Variants in ACAP1 observed in about 807,000 individuals in gnomAD.
ACAP1 encodes the protein arf-GAP with coiled-coil, ANK repeat and PH domain-containing protein 1.
ACAP1 carries 45 observed loss-of-function variants against 98.8 expected under a neutral mutation model. The ratio of observed to expected loss-of-function variants is 0.46; its 90% CI spans 0.36 to 0.58. The LOEUF (loss-of-function observed/expected upper bound fraction) is 0.58, where lower values mean the gene tolerates loss of function less well. ACAP1 is among the 20% of genes least tolerant of loss of function. The probability of loss-of-function intolerance (pLI) is 0.00; values close to 1 mark genes in which losing one functional copy is unlikely to be tolerated. For synonymous variants in ACAP1, 362 were observed against 375.3 expected, an observed-to-expected ratio of 0.96 and a Z score of 0.41; for missense variants, 735 against 971.4, an observed-to-expected ratio of 0.76 and a Z score of 3.24.
Position 7,343,621 on chromosome 17 carries a change from T to G in ACAP1, c.528+59T>G, listed in dbSNP as rs3809829. Reference sequence around the variant, plus strand: ...GAGCCTCAAGTGTCACCTCGAGGCTTGGGGGTCTCCAGTGTGCAGTGGGAA... The same window carrying G: ...GAGCCTCAAGTGTCACCTCGAGGCTGGGGGGTCTCCAGTGTGCAGTGGGAA... On this transcript the variant is annotated intron_variant, in intron 6 of 21. Transcript: ENST00000158762. The surrounding 1 kb of genome is among the most constrained non-coding windows in gnomAD (Gnocchi z 4.9). 991,752 of 1,593,532 alleles carry G rather than the reference T, an allele frequency of 0.62. 312,075 individuals carry two copies. The highest frequency in any genetic ancestry group is 0.76 in the African/African-American group (56,911 of 74,548).
intron 1 of ACAP1, among the ~76,000 whole-genome samples, chr17:7,337,091 C>G (rs1430764769): frequency 6.6e-6 from 1 of 152,294 alleles, no homozygotes; most frequent in East Asian, 1.9e-4. Flanking sequence ...ACTTCCTGCC[C>G]TGGCCACATC....
Position 7,343,932 on chromosome 17 carries a change from G to A in ACAP1, c.645G>A (p.Gln215=). ...QGHEELSRLS[Q]YRKELGAQLH... is the part of the protein sequence containing the mutation. Reference sequence around the variant, plus strand: ...ATGAGGAGCTGAGCCGGCTGTCCCAGTATCGAAAGGAGCTGGGCGCCCAGG... The same window carrying A: ...ATGAGGAGCTGAGCCGGCTGTCCCAATATCGAAAGGAGCTGGGCGCCCAGG... Residue 215 remains glutamine, a synonymous_variant, in exon 8 of 22, where the codon CAG becomes CAA. Coordinates refer to ENST00000158762, the MANE Select transcript of ACAP1 (RefSeq NM_014716.4). This position sits in a 1 kb window ranked among gnomAD's most constrained non-coding sequence, Gnocchi z 4.9. 6.2e-7 allele frequency: 1 copy of A among 1,600,824 alleles called. No individual in the cohort carries two copies. The highest frequency in any genetic ancestry group is 8.5e-7 in the Non-Finnish European group (1 of 1,173,398).
At position 7,336,742 on chromosome 17, in the gene ACAP1, T is replaced by G; in HGVS notation, c.8T>G (p.Val3Gly). 1.2e-6 allele frequency: 2 copies of G among 1,613,740 alleles called. No homozygotes were observed. The highest frequency in any genetic ancestry group is 2.7e-5 in the African/African-American group (2 of 74,982). Residue 3 changes from valine to glycine, a missense_variant, in exon 1 of 22, where the codon GTC (valine) becomes GGC (glycine). This residue lies in a region of ACAP1 where 430 missense variants were observed against 531.8 expected (regional missense o/e 0.81). Transcript: ENST00000158762. ...CACAGCAGGCAAGCTGAGATGACGG[T>G]CAAGCTGGATTTCGAGGAGTGTCTC... MT[V>G]KLDFEECLKD...
intron 14 of ACAP1, 196 bp from the exon 15 acceptor site, chr17:7,347,726 A>C: frequency 1.7e-6 from 1 of 600,134 alleles, no homozygotes; most frequent in Non-Finnish European, 3.0e-6. Flanking sequence ...AGGAATGGTG[A>C]CGAGGCAGAG....
chr17:7,342,158 T>A (rs757229205), intron 3 of ACAP1, 91 bp downstream of exon 3: 26 of 1,606,920 alleles, frequency 1.6e-5, no homozygotes, highest in Non-Finnish European at 2.0e-5. Context: ...GTCTGCAGGT[T>A]CCAGGCCACA....
In ACAP1 at chr17:7,343,011, T is replaced by C. The variant is rs1597650448; in HGVS notation, c.345-368T>C. 4.7e-6 allele frequency: 1 copy of C among 213,956 alleles called. No individual in the cohort carries two copies. Among genetic ancestry groups the C allele is most frequent in the Non-Finnish European group, 9.2e-6 (1 of 108,716 alleles). 13.3% of individuals were successfully genotyped at this position (213,956 alleles called of 1,614,324 possible). On this transcript the variant is annotated intron_variant, in intron 5 of 21. Transcript: ENST00000158762. The surrounding 1 kb of genome is among the most constrained non-coding windows in gnomAD (Gnocchi z 4.9). ...CAGGAGAATTGCTTGAGCCTGGAGG[T>C]CAGGGCTGCGGTGAGCCATGATTGT...
intron 2 of ACAP1, 85 bp downstream of exon 2, chr17:7,337,454 A>G (rs945655918): frequency 1.6e-6 from 2 of 1,233,490 alleles, no homozygotes; most frequent in African/African-American, 3.0e-5. Context: ...CACAGAATGC[A>G]TCCCAGGGAT....
intron 17 of ACAP1, 79 bp downstream of exon 17, chr17:7,348,554 T>A (rs1225848028): frequency 1.4e-6 from 2 of 1,403,822 alleles, no homozygotes; most frequent in Non-Finnish European, 1.9e-6. Context: ...AGGCACAGAG[T>A]GTGAAGCCCA....
Position 7,344,181 on chromosome 17 carries a change from G to A in ACAP1, c.744+58G>A. On this transcript the variant is annotated intron_variant, in intron 9 of 21. Transcript: ENST00000158762. This position sits in a 1 kb window ranked among gnomAD's most constrained non-coding sequence, Gnocchi z 4.9. Reference sequence around the variant, plus strand: ...CATCCCAACATGTTGGGAGGCTGAGGTGGGAAGATTGCTTGAGGCCTGGAG... The same window carrying A: ...CATCCCAACATGTTGGGAGGCTGAGATGGGAAGATTGCTTGAGGCCTGGAG... 1 of 1,526,520 alleles carries A rather than the reference G, an allele frequency of 6.6e-7. No homozygotes were observed. The highest frequency in any genetic ancestry group is 8.9e-7 in the Non-Finnish European group (1 of 1,124,996). 94.6% of individuals were successfully genotyped at this position (1,526,520 alleles called of 1,614,324 possible).
At chr17:7,339,609 C>T (rs1229955285) in intron 2 of ACAP1, among the ~76,000 whole-genome samples, 2 of 152,280 alleles carry the variant, frequency 1.3e-5, no homozygotes, top group African/African-American at 2.4e-5. Context: ...GAGCCGAGAT[C>T]GTGCCACTGC....
chr17:7,341,885 G>A, intron 2 of ACAP1, 63 bp from the exon 3 acceptor site: 7 of 1,602,568 alleles, frequency 4.4e-6, no homozygotes, highest in East Asian at 2.2e-5. Flanking sequence ...TGGGGCAGGT[G>A]TGGGGGCATC....
Position 7,344,618 on chromosome 17 carries a change from G to A in ACAP1, c.824G>A (p.Arg275Gln). 6.4e-7 allele frequency: 1 copy of A among 1,551,284 alleles called. No homozygotes were observed. The highest frequency in any genetic ancestry group is 8.7e-7 in the Non-Finnish European group (1 of 1,146,934). ...GLVMEGHLFKRASNAFKTWSR... is the reference protein window; with the variant it reads ...GLVMEGHLFKQASNAFKTWSR... Reference sequence around the variant, plus strand: ...GTGATGGAAGGACATCTCTTCAAACGGGCCAGCAACGCATTTAAGACCTGG... The same window carrying A: ...GTGATGGAAGGACATCTCTTCAAACAGGCCAGCAACGCATTTAAGACCTGG... Residue 275 changes from arginine (R) to glutamine (Q), a missense_variant, in exon 10 of 22, where the codon CGG becomes CAG. Coordinates refer to ENST00000158762, the MANE Select transcript of ACAP1 (RefSeq NM_014716.4). This position sits in a 1 kb window ranked among gnomAD's most constrained non-coding sequence, Gnocchi z 4.9.
intron 1 of ACAP1, 92 bp from the exon 2 acceptor site, chr17:7,337,220 C>A (rs1319053709): frequency 8.1e-7 from 1 of 1,227,376 alleles, no homozygotes; most frequent in Non-Finnish European, 1.2e-6. Context: ...GCTTTCTCCT[C>A]CGTACCCACC....
chr17:7,344,717 T>G lies in ACAP1; in HGVS notation c.854+69T>G. On this transcript the variant is annotated intron_variant, in intron 10 of 21. Coordinates refer to ENST00000158762, the MANE Select transcript of ACAP1 (RefSeq NM_014716.4). The surrounding 1 kb of genome is among the most constrained non-coding windows in gnomAD (Gnocchi z 4.9). ...GTATTTTCGAGTGGTAATAGCACAC[T>G]AAGCACTGCAAGGAAAAACAGACGA... is the stretch of plus-strand genomic sequence containing the variant. 1 of 1,169,432 alleles carries G rather than the reference T, an allele frequency of 8.6e-7. No individual in the cohort carries two copies. Among genetic ancestry groups the G allele is most frequent in the South Asian group, 1.3e-5 (1 of 74,574 alleles). The allele number at this position is 1,169,432 out of a possible 1,614,324, so 72.4% of individuals were successfully genotyped here.
In ACAP1 at chr17:7,337,336, C is replaced by G. The variant is rs199709270; in HGVS notation, c.78C>G (p.Ala26=). ...GAGCCTCTATTGAGCTGGTGGAAGC[C>G]GAAGTGTCAGAATTGGAGACCCGTC... ...RFRASIELVE[A]EVSELETRLE... The change falls in exon 2 of 22, where the codon GCC becomes GCG. Residue 26 remains alanine (A), a synonymous_variant. Coordinates refer to ENST00000158762, the MANE Select transcript of ACAP1 (RefSeq NM_014716.4). 1.2e-6 allele frequency: 2 copies of G among 1,614,094 alleles called. No individual in the cohort carries two copies. The highest frequency in any genetic ancestry group is 1.7e-6 in the Non-Finnish European group (2 of 1,180,004).
chr17:7,341,856 T>C, intron 2 of ACAP1, 92 bp from the exon 3 acceptor site: 2 of 1,573,416 alleles, frequency 1.3e-6, no homozygotes, highest in South Asian at 2.3e-5. Context: ...AGCGCCGCCC[T>C]GGGCAAGGGG....
chr17:7,345,531 C>T (rs910616179), intron 10 of ACAP1: 9 of 152,204 alleles, frequency 5.9e-5, no homozygotes, highest in African/African-American at 2.2e-4. Flanking sequence ...ACCATGTTGC[C>T]CAGGCTGGTT....
At position 7,343,962 on chromosome 17, in the gene ACAP1, G is replaced by T. The variant is rs776390439; in HGVS notation, c.669+6G>T. 8 of 1,583,182 alleles carry T rather than the reference G, an allele frequency of 5.1e-6. No individual in the cohort carries two copies. In the African/African-American group the frequency reaches 1.1e-4, roughly 21 times the overall value. Reference sequence around the variant, plus strand: ...GAAAGGAGCTGGGCGCCCAGGTGGGGCCCCAGGGCACAGCAGGTGGTAGAG... The same window carrying T: ...GAAAGGAGCTGGGCGCCCAGGTGGGTCCCCAGGGCACAGCAGGTGGTAGAG... On this transcript the variant is annotated splice_donor_region_variant and intron_variant, in intron 8 of 21. Transcript: ENST00000158762. This position sits in a 1 kb window ranked among gnomAD's most constrained non-coding sequence, Gnocchi z 4.9.
chr17:7,336,731 T>C lies in ACAP1; in HGVS notation c.-4T>C, dbSNP rs759620595. The C allele has an allele frequency of 1.4e-5, 23 of 1,613,012 alleles. No homozygotes were observed. The Middle Eastern group carries it at 6.6e-4, about 46-fold the overall frequency. On this transcript the variant is annotated 5_prime_UTR_variant, in exon 1 of 22. Coordinates refer to ENST00000158762, the MANE Select transcript of ACAP1 (RefSeq NM_014716.4). ...CCCGCTGGCCCCACAGCAGGCAAGCTGAGATGACGGTCAAGCTGGATTTCG... is the reference window on the plus strand; with the variant it reads ...CCCGCTGGCCCCACAGCAGGCAAGCCGAGATGACGGTCAAGCTGGATTTCG...
Sources: allele counts gnomAD v4.1 joint callset (sites outside exome capture counted in the v4.1 genomes callset), GRCh38; gene constraint gnomAD v4.1.1; regional missense constraint gnomAD v4.1.1; non-coding constraint Gnocchi (gnomAD v3.1); transcripts MANE v1.5; gene names NCBI Gene and HGNC (gene_info 2026-07-23, HGNC 2026-07-21).